Variants in PCDHGB2 observed in about 807,000 individuals in gnomAD.
The protein encoded by PCDHGB2 is protocadherin gamma-B2.
Under a neutral mutation model 59.3 loss-of-function variants are expected in PCDHGB2, and 55 were observed. The ratio of observed to expected loss-of-function variants is 0.93; its 90% CI spans 0.75 to 1.16. The LOEUF (loss-of-function observed/expected upper bound fraction) is 1.16, where lower values mean the gene tolerates loss of function less well. Ranked by LOEUF, PCDHGB2 falls within the 50% of genes most tolerant of loss-of-function variation. The pLI is 0.00. For missense variants in PCDHGB2, 1,228 were observed against 1,198.5 expected, an observed-to-expected ratio of 1.02 and a Z score of -0.36; for synonymous variants, 516 against 512.0, an observed-to-expected ratio of 1.01 and a Z score of -0.11.
Position 141,490,798 on chromosome 5 carries a change from C to A in PCDHGB2, c.2422-4009C>A. 2 of 1,613,926 alleles carry A rather than the reference C, an allele frequency of 1.2e-6. No individual in the cohort carries two copies. Among genetic ancestry groups the A allele is most frequent in the South Asian group, 2.2e-5 (2 of 91,074 alleles). ...AGAGGATGGACGGATCTTTGCCCAG[C>A]GTACCTTTGACTATGAATTGCTGCA... On this transcript the variant is annotated intron_variant, in intron 1 of 3. Transcript: ENST00000522605. This position sits in a 1 kb window ranked among gnomAD's most constrained non-coding sequence, Gnocchi z 5.4.
chr5:141,366,058 G>C, intron 1 of PCDHGB2: 2 of 1,614,242 alleles, frequency 1.2e-6, no homozygotes, highest in East Asian at 2.2e-5. Flanking sequence ...CGGGCGTGGA[G>C]CTGGCGCCTC....
intron 1 of PCDHGB2, chr5:141,414,177 T>G (rs370827396): frequency 1.7e-5 from 28 of 1,607,906 alleles, no homozygotes; most frequent in Non-Finnish European, 2.2e-5. Flanking sequence ...ATCTTGCAAC[T>G]GCAAAAGTGT....
chr5:141,457,058 T>C (rs756862311), intron 1 of PCDHGB2, among the ~76,000 whole-genome samples: 1 of 152,230 alleles, frequency 6.6e-6, no homozygotes, highest in South Asian at 2.1e-4. Flanking sequence ...TCATGCTTCC[T>C]TTTTGCCAGT....
In PCDHGB2 at chr5:141,432,847, G is replaced by A. The variant is rs768265171; in HGVS notation, c.2422-61960G>A. On this transcript the variant is annotated intron_variant, in intron 1 of 3. Transcript: ENST00000522605. The surrounding 1 kb of genome is among the most constrained non-coding windows in gnomAD (Gnocchi z 6.0). Reference sequence around the variant, plus strand: ...ACCTCACTCTGTACCTGGTGGTAGCGGTGGCCGCGGTCTCCTGCGTCTTCC... The same window carrying A: ...ACCTCACTCTGTACCTGGTGGTAGCAGTGGCCGCGGTCTCCTGCGTCTTCC... 5.0e-6 allele frequency: 8 copies of A among 1,614,180 alleles called. No homozygotes were observed. The highest frequency in any genetic ancestry group is 6.8e-6 in the Non-Finnish European group (8 of 1,179,994).
intron 1 of PCDHGB2, chr5:141,366,049 G>A (rs542025009): frequency 1.9e-6 from 3 of 1,614,244 alleles, no homozygotes; most frequent in Non-Finnish European, 8.5e-7. Flanking sequence ...ACGGTTCCAC[G>A]GGCGTGGAGC....
In PCDHGB2 at chr5:141,487,000, G is replaced by T. The variant is rs1410493699; in HGVS notation, c.2422-7807G>T. 2 of 1,614,076 alleles carry T rather than the reference G, an allele frequency of 1.2e-6. No homozygotes were observed. Among genetic ancestry groups the T allele is most frequent in the Non-Finnish European group, 1.7e-6 (2 of 1,180,044 alleles). On this transcript the variant is annotated intron_variant, in intron 1 of 3. Coordinates refer to ENST00000522605, the MANE Select transcript of PCDHGB2 (RefSeq NM_018923.3). The surrounding 1 kb of genome is among the most constrained non-coding windows in gnomAD (Gnocchi z 5.0). Reference sequence around the variant, plus strand: ...GTTACAATGCTTGGGTTTCCTATCAGCTCCTGGAGGCCCCAGATCCCAGCC... The same window carrying T: ...GTTACAATGCTTGGGTTTCCTATCATCTCCTGGAGGCCCCAGATCCCAGCC...
In PCDHGB2 at chr5:141,476,149, A is replaced by T. The variant is rs1042362185; in HGVS notation, c.2422-18658A>T. The stretch of plus-strand genomic sequence containing the variant: ...CAGAGGCCTGGAGGAGCGGACTGGT[A>T]AGCACCGGGAGGGTAGTGGGAGTTT... On this transcript the variant is annotated intron_variant, in intron 1 of 3. Transcript: ENST00000522605. This position sits in a 1 kb window ranked among gnomAD's most constrained non-coding sequence, Gnocchi z 7.6. 4 of 1,611,688 alleles carry T rather than the reference A, an allele frequency of 2.5e-6. No individual in the cohort carries two copies. In the African/African-American group the frequency reaches 5.3e-5, roughly 22 times the overall value.
chr5:141,410,589 A>G (rs2095410065), intron 1 of PCDHGB2: 1 of 1,609,086 alleles, frequency 6.2e-7, no homozygotes, highest in Non-Finnish European at 8.5e-7. Flanking sequence ...GGTGGGGAGG[A>G]TTTGACTTCA....
intron 1 of PCDHGB2, chr5:141,376,588 T>A: frequency 6.3e-7 from 1 of 1,575,434 alleles, no homozygotes; most frequent in South Asian, 1.2e-5. Flanking sequence ...ATCAGCTAGA[T>A]CGGCTGTTAT....
chr5:141,371,372 T>A lies in PCDHGB2; in HGVS notation c.2421+8816T>A, dbSNP rs73265849. ...GGGTGGAAGCAAAGGATGGTGGACA[T>A]CACACTGCATATTGTAAAGTACAGA... is the stretch of plus-strand genomic sequence containing the variant. On this transcript the variant is annotated intron_variant, in intron 1 of 3. Transcript: ENST00000522605. 2,400 of 1,613,952 alleles carry A rather than the reference T, an allele frequency of 1.5e-3. 32 individuals are homozygous for A. In the African/African-American group the frequency reaches 0.028, roughly 19 times the overall value.
Position 141,477,707 on chromosome 5 carries a change from C to T in PCDHGB2, c.2422-17100C>T. ...AGTGCCCCTAGACTATGAGGATCGG[C>T]GGGAATTTGAATTAACAGCTCATAT... On this transcript the variant is annotated intron_variant, in intron 1 of 3. Transcript: ENST00000522605. The surrounding 1 kb of genome is among the most constrained non-coding windows in gnomAD (Gnocchi z 4.9). 6.2e-7 allele frequency: 1 copy of T among 1,613,952 alleles called. No individual in the cohort carries two copies. Among genetic ancestry groups the T allele is most frequent in the South Asian group, 1.1e-5 (1 of 91,086 alleles).
chr5:141,371,779 C>T (rs1376819850), intron 1 of PCDHGB2: 2 of 1,614,012 alleles, frequency 1.2e-6, no homozygotes, highest in Non-Finnish European at 1.7e-6. Context: ...GTGCATGTAG[C>T]TGAGAACAAT....
intron 1 of PCDHGB2, chr5:141,441,182 CA>C (rs1434822697): frequency 6.6e-6 from 1 of 152,140 alleles, no homozygotes; most frequent in African/African-American, 2.4e-5. Flanking sequence ...TCTAATTCCA[CA>C]ATGATTCCCA....
rs1188941232 is a variant in PCDHGB2, at chr5:141,512,270, G to A, written c.*1097G>A. ...TCTGTGGGTGCTGGGTACTCCAGAG[G>A]TGCCACTGGTGGAAGGGTCAGCGGA... On this transcript the variant is annotated 3_prime_UTR_variant, in exon 4 of 4. Coordinates refer to ENST00000522605, the MANE Select transcript of PCDHGB2 (RefSeq NM_018923.3). The A allele has an allele frequency of 1.3e-5, 2 of 152,714 alleles. No individual in the cohort carries two copies. The highest frequency in any genetic ancestry group is 2.9e-5 in the Non-Finnish European group (2 of 68,100). The allele number at this position is 152,714 out of a possible 1,614,324, so 9.5% of individuals were successfully genotyped here.
At chr5:141,413,631 G>A in intron 1 of PCDHGB2, 4 of 1,613,750 alleles carry the variant, frequency 2.5e-6, no homozygotes, top group Admixed American at 1.7e-5. Context: ...ATGTCGCTGC[G>A]GGAATGCGTT....
chr5:141,469,881 G>A (rs922510082), intron 1 of PCDHGB2, among the ~76,000 whole-genome samples: 11 of 152,056 alleles, frequency 7.2e-5, no homozygotes, highest in Admixed American at 3.3e-4. Context: ...CTGTAATCTC[G>A]GCACTTTGGG....
intron 1 of PCDHGB2, chr5:141,370,899 C>T (rs1767293695): frequency 1.2e-6 from 2 of 1,614,010 alleles, no homozygotes. Flanking sequence ...TTCGCTGCAG[C>T]AGTACTACCT....
chr5:141,407,158 G>A (rs2094893881), intron 1 of PCDHGB2, among the ~76,000 whole-genome samples: 1 of 152,166 alleles, frequency 6.6e-6, no homozygotes, highest in African/African-American at 2.4e-5. Flanking sequence ...AAGTGTCTGG[G>A]AATCCTTTAT....
chr5:141,422,873 T>C (rs1474438774), intron 1 of PCDHGB2: 1 of 1,614,158 alleles, frequency 6.2e-7, no homozygotes, highest in Admixed American at 1.7e-5. Flanking sequence ...AACGTGTCGC[T>C]GAGCCTGTTC....
Sources: gnomAD v4.1 joint callset for allele counts (sites outside exome capture counted in the v4.1 genomes callset) on GRCh38, gnomAD v4.1.1 for gene constraint, Gnocchi (gnomAD v3.1) non-coding constraint, MANE v1.5 for transcripts, NCBI Gene and HGNC (gene_info 2026-07-23, HGNC 2026-07-21) for gene names.